Variants in CAMKMT observed in about 807,000 individuals in gnomAD.
The protein encoded by CAMKMT is calmodulin-lysine N-methyltransferase.
Under a neutral mutation model 48.0 loss-of-function variants are expected in CAMKMT, and 53 were observed. That is an observed-to-expected ratio of 1.10 (90% CI 0.89 to 1.39). The LOEUF (loss-of-function observed/expected upper bound fraction) is 1.39, where lower values mean the gene tolerates loss of function less well. Among genes scored for constraint, CAMKMT ranks in the 40% most tolerant of loss-of-function variants. The pLI is 0.00. For missense variants in CAMKMT, 428 were observed against 402.7 expected (o/e 1.06, Z -0.54); for synonymous variants, 165 against 152.3 (o/e 1.08, Z -0.61).
chr2:44,510,112 A>G (rs1670465611), intron 3 of CAMKMT, among the ~76,000 whole-genome samples: 1 of 152,220 alleles, frequency 6.6e-6, no homozygotes, highest in Non-Finnish European at 1.5e-5. Context: ...TAACTGCTCT[A>G]CAGAGCTTAT....
At chr2:44,399,124 G>C (rs1295157147) in intron 3 of CAMKMT, among the ~76,000 whole-genome samples, 1 of 152,170 alleles carries the variant, frequency 6.6e-6, no homozygotes, top group Non-Finnish European at 1.5e-5. Flanking sequence ...ACTGGATCAG[G>C]TGTAGTCTTT....
chr2:44,484,117 G>T (rs1421706031), intron 3 of CAMKMT, among the ~76,000 whole-genome samples: 1 of 151,794 alleles, frequency 6.6e-6, no homozygotes, highest in Non-Finnish European at 1.5e-5. Flanking sequence ...ACTCCAAAAT[G>T]ATCTGAAGCC....
intron 3 of CAMKMT, among the ~76,000 whole-genome samples, chr2:44,429,598 G>T (rs1390890617): frequency 6.6e-6 from 1 of 152,006 alleles, no homozygotes; most frequent in Admixed American, 6.5e-5. Context: ...TCAGGAGATC[G>T]AGACCATCCT....
At chr2:44,396,741 TAA>T (rs35453105) in intron 3 of CAMKMT, among the ~76,000 whole-genome samples, 8 of 132,318 alleles carry the variant, frequency 6.0e-5, no homozygotes, top group Admixed American at 7.6e-5. Flanking sequence ...ATTACCTTTC[TAA>T]AAAAAAAAAA....
intron 3 of CAMKMT, among the ~76,000 whole-genome samples, chr2:44,407,388 A>G (rs1682858569): frequency 6.6e-6 from 1 of 151,960 alleles, no homozygotes; most frequent in African/African-American, 2.4e-5. Flanking sequence ...CAGGGGTTAG[A>G]CGTTTTCAAT....
chr2:44,571,762 T>C (rs534570268), intron 3 of CAMKMT, among the ~76,000 whole-genome samples: 2 of 152,200 alleles, frequency 1.3e-5, no homozygotes, highest in African/African-American at 4.8e-5. Context: ...TTGCATGAAC[T>C]AGGGAGTTCG....
chr2:44,565,079 C>T (rs569800933), intron 3 of CAMKMT, among the ~76,000 whole-genome samples: 14 of 152,106 alleles, frequency 9.2e-5, no homozygotes, highest in Admixed American at 5.2e-4. Flanking sequence ...GAGGGTTCTT[C>T]GGAGAAGGCA....
intron 3 of CAMKMT, among the ~76,000 whole-genome samples, chr2:44,642,005 A>G (rs1673476546): frequency 6.6e-6 from 1 of 152,170 alleles, no homozygotes; most frequent in African/African-American, 2.4e-5. Context: ...ATTTGGGTGA[A>G]AGTCTTCTCT....
chr2:44,406,480 C>A (rs1682785356), intron 3 of CAMKMT, among the ~76,000 whole-genome samples: 1 of 94,212 alleles, frequency 1.1e-5, no homozygotes, highest in Non-Finnish European at 2.2e-5. Flanking sequence ...TTTAATACCA[C>A]CCCAGTGTCT....
intron 7 of CAMKMT, among the ~76,000 whole-genome samples, chr2:44,732,776 T>G (rs1025463516): frequency 6.6e-6 from 1 of 152,226 alleles, no homozygotes; most frequent in Non-Finnish European, 1.5e-5. Flanking sequence ...TTGCTTGTTT[T>G]TCTTATCATT....
At chr2:44,443,378 A>G (rs1297475170) in intron 3 of CAMKMT, among the ~76,000 whole-genome samples, 1 of 152,108 alleles carries the variant, frequency 6.6e-6, no homozygotes, top group Non-Finnish European at 1.5e-5. Flanking sequence ...TTTATATTGA[A>G]TATTACTTGA....
rs575581273 is a variant in CAMKMT, at chr2:44,474,458, A to G, written c.376+84153A>G. On this transcript the variant is annotated intron_variant, in intron 3 of 10. Coordinates refer to ENST00000378494, the MANE Select transcript of CAMKMT (RefSeq NM_024766.5). The stretch of plus-strand genomic sequence containing the variant: ...CGAGACTCCGTCTCAAAAAAAAAAA[A>G]AAAAAGAAAAAGAAAAAAGAAATGT... Among the ~76,000 whole-genome samples, 23 of 152,154 alleles carry G rather than the reference A, an allele frequency of 1.5e-4. No individual in the cohort carries two copies. In the East Asian group the frequency reaches 1.5e-3, roughly 10 times the overall value.
At chr2:44,648,237 G>A (rs893674980) in intron 3 of CAMKMT, among the ~76,000 whole-genome samples, 1 of 152,076 alleles carries the variant, frequency 6.6e-6, no homozygotes. Context: ...GATAGAAAAA[G>A]CTCTGGAAGG....
At chr2:44,420,802 C>G (rs182356109) in intron 3 of CAMKMT, among the ~76,000 whole-genome samples, 4 of 151,408 alleles carry the variant, frequency 2.6e-5, no homozygotes, top group Admixed American at 2.6e-4. Flanking sequence ...ATTTCATAGC[C>G]TATATTCCAC....
intron 3 of CAMKMT, among the ~76,000 whole-genome samples, chr2:44,588,207 G>A (rs1469428009): frequency 7.7e-5 from 9 of 116,942 alleles, no homozygotes; most frequent in Non-Finnish European, 3.6e-5. Context: ...CCTGGCAACC[G>A]CCCCGTCTGA....
intron 3 of CAMKMT, among the ~76,000 whole-genome samples, chr2:44,624,349 T>A (rs1043985378): frequency 6.6e-6 from 1 of 152,160 alleles, no homozygotes; most frequent in Non-Finnish European, 1.5e-5. Flanking sequence ...TATTATACTT[T>A]AAGTTTTAGG....
At chr2:44,610,723 G>A (rs10191723) in intron 3 of CAMKMT, among the ~76,000 whole-genome samples, 61,515 of 152,072 alleles carry the variant, frequency 0.4, 14,549 homozygotes, top group Middle Eastern at 0.55. Flanking sequence ...AACTTTTTGT[G>A]TTGAGTCTGT....
At position 44,710,109 on chromosome 2, in the gene CAMKMT, A is replaced by T. The variant is rs540550161; in HGVS notation, c.556+2647A>T. Among the ~76,000 whole-genome samples, 630 of 142,968 alleles carry T rather than the reference A, an allele frequency of 4.4e-3. 4 individuals carry two copies. Among genetic ancestry groups the T allele is most frequent in the African/African-American group, 0.015 (588 of 39,892 alleles). 93.8% of individuals were successfully genotyped at this position (142,968 alleles called of 152,430 possible). A position where few individuals can be genotyped will look rare whatever the true frequency, so the allele number is the denominator to read the frequency against. ...AGATTCTGATTTTTACCTTTTTTTA[A>T]AAAAAAAAACAGCATTTCCTGATAT... On this transcript the variant is annotated intron_variant, in intron 6 of 10. Transcript: ENST00000378494.
At chr2:44,409,110 T>TTGCTACATAAAGACA (rs1558587815) in intron 3 of CAMKMT, among the ~76,000 whole-genome samples, 10 of 3,948 alleles carry the variant, frequency 2.5e-3, no homozygotes, top group African/African-American at 3.2e-3. Context: ...TATATATATA[T>TTGCTACATAAAGACA]ATATATATAT....
Sources: allele counts gnomAD v4.1 joint callset (sites outside exome capture counted in the v4.1 genomes callset), GRCh38; gene constraint gnomAD v4.1.1; transcripts MANE v1.5; gene names NCBI Gene and HGNC (gene_info 2026-07-23, HGNC 2026-07-21).